Variants in MACROD2 observed in about 807,000 individuals in gnomAD.
MACROD2 encodes mono-ADP ribosylhydrolase 2.
In MACROD2, 36 loss-of-function variants were observed where a neutral mutation model predicts 70.4. That is an observed-to-expected ratio of 0.51 (90% CI 0.39 to 0.68). MACROD2 has a LOEUF of 0.68. Ranked by LOEUF, MACROD2 falls within the 30% of genes least tolerant of loss-of-function variation. MACROD2 has a pLI of 0.00. For missense variants in MACROD2, 496 were observed against 538.4 expected (o/e 0.92, Z 0.78); for synonymous variants, 172 against 178.8 (o/e 0.96, Z 0.30).
At chr20:15,708,750 A>C (rs73244526) in intron 8 of MACROD2, among the ~76,000 whole-genome samples, 5,789 of 129,022 alleles carry the variant, frequency 0.045, 418 homozygotes, top group African/African-American at 0.14. Flanking sequence ...GGTAGACTGG[A>C]CTTGGTGGCT....
intron 3 of MACROD2, among the ~76,000 whole-genome samples, chr20:14,385,613 ACAAT>A (rs1161441222): frequency 2.0e-5 from 3 of 152,160 alleles, no homozygotes; most frequent in Non-Finnish European, 4.4e-5. Flanking sequence ...GACTTCCAAA[ACAAT>A]CAAGGGCAGT....
chr20:15,852,728 G>A lies in MACROD2; in HGVS notation c.646-10017G>A, dbSNP rs568262923. On this transcript the variant is annotated intron_variant, in intron 8 of 17. Coordinates refer to ENST00000684519, the MANE Select transcript of MACROD2 (RefSeq NM_001351661.2). ...TCCCGTTTATCTCATTGGCTGATATGACCAGACAAAAACAGAGCTGCTTAT... is the reference window on the plus strand; with the variant it reads ...TCCCGTTTATCTCATTGGCTGATATAACCAGACAAAAACAGAGCTGCTTAT... 1.9e-4 allele frequency among the ~76,000 whole-genome samples: 29 copies of A among 152,280 alleles called. No individual in the cohort carries two copies. In the East Asian group the frequency reaches 4.1e-3, roughly 21 times the overall value.
rs577514886 is a variant in MACROD2, at chr20:15,997,141, T to G, written c.1153+9983T>G. ...TAGTTTGAAATCAGTAAGTGTGATG[T>G]CTCTGGCTTTTTTCCTCTTTCTCAA... On this transcript the variant is annotated intron_variant, in intron 15 of 17. Coordinates refer to ENST00000684519, the MANE Select transcript of MACROD2 (RefSeq NM_001351661.2). Among the ~76,000 whole-genome samples the G allele has an allele frequency of 2.6e-5, 4 of 152,284 alleles. No homozygotes were observed. The South Asian group carries it at 8.3e-4, about 32-fold the overall frequency.
chr20:14,134,390 A>T (rs1448385602), intron 3 of MACROD2, among the ~76,000 whole-genome samples: 1 of 152,236 alleles, frequency 6.6e-6, no homozygotes, highest in African/African-American at 2.4e-5. Context: ...AACCACTTTG[A>T]TCTTATTATT....
At chr20:14,713,380 A>G (rs1383147693) in intron 5 of MACROD2, among the ~76,000 whole-genome samples, 2 of 152,212 alleles carry the variant, frequency 1.3e-5, no homozygotes, top group African/African-American at 4.8e-5. Flanking sequence ...TGGTTGAGTC[A>G]GGATTTGAAT....
At position 15,768,846 on chromosome 20, in the gene MACROD2, G is replaced by A. The variant is rs528937887; in HGVS notation, c.646-93899G>A. Among the ~76,000 whole-genome samples the A allele has an allele frequency of 6.0e-5, 9 of 150,702 alleles. No individual in the cohort carries two copies. The South Asian group carries it at 1.3e-3, about 21-fold the overall frequency. ...TTATTTTCACTTTTCAGACTTTTTC[G>A]TTAAAAACTAAAACAAAAATACACA... On this transcript the variant is annotated intron_variant, in intron 8 of 17. Transcript: ENST00000684519.
chr20:15,007,361 C>T (rs1344136780), intron 5 of MACROD2, among the ~76,000 whole-genome samples: 1 of 150,806 alleles, frequency 6.6e-6, no homozygotes, highest in Admixed American at 6.6e-5. Context: ...GAGACTCCAT[C>T]TCAAAAACAA....
intron 4 of MACROD2, among the ~76,000 whole-genome samples, chr20:14,512,388 C>T (rs998396740): frequency 6.6e-6 from 1 of 151,954 alleles, no homozygotes; most frequent in Non-Finnish European, 1.5e-5. Flanking sequence ...ACAACCAAGG[C>T]TTGGGGGTGG....
intron 6 of MACROD2, among the ~76,000 whole-genome samples, chr20:15,345,884 T>C (rs887218703): frequency 6.6e-6 from 1 of 152,092 alleles, no homozygotes; most frequent in African/African-American, 2.4e-5. Context: ...ACCAGACTGT[T>C]CCTATGTCAA....
chr20:15,224,906 G>C (rs145345723), intron 5 of MACROD2, among the ~76,000 whole-genome samples: 51 of 150,624 alleles, frequency 3.4e-4, no homozygotes, highest in African/African-American at 1.2e-3. Flanking sequence ...GTTGCAGTGA[G>C]CCAAGATTGC....
chr20:14,219,996 T>A (rs1458026733), intron 3 of MACROD2, among the ~76,000 whole-genome samples: 1 of 152,234 alleles, frequency 6.6e-6, no homozygotes, highest in Non-Finnish European at 1.5e-5. Flanking sequence ...TCTATTTTTG[T>A]GCTGGTTGGC....
intron 8 of MACROD2, among the ~76,000 whole-genome samples, chr20:15,562,489 T>A (rs2048257817): frequency 6.6e-6 from 1 of 152,216 alleles, no homozygotes; most frequent in Non-Finnish European, 1.5e-5. Flanking sequence ...TATCCCATTC[T>A]GTGATAATAT....
At chr20:14,990,534 G>A (rs1482382212) in intron 5 of MACROD2, among the ~76,000 whole-genome samples, 1 of 131,152 alleles carries the variant, frequency 7.6e-6, no homozygotes, top group Admixed American at 8.3e-5. Flanking sequence ...TTTTTTTTGA[G>A]ATGGAGTCTC....
intron 5 of MACROD2, among the ~76,000 whole-genome samples, chr20:14,852,661 G>A (rs1168107859): frequency 6.6e-6 from 1 of 152,102 alleles, no homozygotes; most frequent in Non-Finnish European, 1.5e-5. Flanking sequence ...CAAGTCACAG[G>A]ACCCCTGCAC....
chr20:14,268,266 C>T (rs535863652), intron 3 of MACROD2, among the ~76,000 whole-genome samples: 8 of 152,110 alleles, frequency 5.3e-5, no homozygotes, highest in Non-Finnish European at 1.2e-4. Flanking sequence ...ACTGATTCTT[C>T]AGTATCATCT....
intron 3 of MACROD2, among the ~76,000 whole-genome samples, chr20:14,469,930 C>G (rs2084507251): frequency 6.6e-6 from 1 of 151,992 alleles, no homozygotes; most frequent in African/African-American, 2.4e-5. Context: ...CTACTTCTGT[C>G]AATTCATCAA....
chr20:15,001,972 C>CAT (rs1479146034), intron 5 of MACROD2, among the ~76,000 whole-genome samples: 3 of 150,100 alleles, frequency 2.0e-5, no homozygotes, highest in Non-Finnish European at 3.0e-5. Flanking sequence ...CACACACACA[C>CAT]ATATACACAC....
intron 6 of MACROD2, among the ~76,000 whole-genome samples, chr20:15,362,035 G>A (rs11087132): frequency 0.25 from 37,298 of 147,422 alleles, 5,260 homozygotes; most frequent in East Asian, 0.58. Flanking sequence ...TTTTTGAGAC[G>A]GAGTCTCGCT....
intron 3 of MACROD2, among the ~76,000 whole-genome samples, chr20:14,492,953 C>T (rs140519325): frequency 5.3e-5 from 8 of 152,028 alleles, no homozygotes; most frequent in African/African-American, 1.2e-4. Flanking sequence ...CATTGTTTAA[C>T]GTTTATTTCT....
Sources: allele counts gnomAD v4.1 joint callset (sites outside exome capture counted in the v4.1 genomes callset), GRCh38; gene constraint gnomAD v4.1.1; transcripts MANE v1.5; gene names NCBI Gene and HGNC (gene_info 2026-07-23, HGNC 2026-07-21).